Variants in RHOC observed in about 807,000 individuals in gnomAD.
RHOC encodes the protein ras homolog family member C, also known as rho-related GTP-binding protein RhoC.
A neutral mutation model predicts 19.5 loss-of-function variants in RHOC; 13 were observed. The observed-to-expected ratio is 0.67, with a 90% CI of 0.43 to 1.06. RHOC has a LOEUF of 1.06. RHOC is among the 50% of genes least tolerant of loss of function. The pLI, the probability that RHOC is intolerant of heterozygous loss-of-function variation, is 0.00. For missense variants in RHOC, 173 were observed against 256.9 expected (o/e 0.67, Z 2.23); for synonymous variants, 106 against 97.3 (o/e 1.09, Z -0.52).
intron 1 of RHOC, 139 bp downstream of exon 1, chr1:112,706,939 G>T (rs1221382553): frequency 1.3e-5 from 2 of 152,020 alleles, no homozygotes; most frequent in Non-Finnish European, 2.9e-5. Context: ...GACTCCGCTT[G>T]GAGGGAACGG....
chr1:112,705,327 C>T (rs1570834110), intron 1 of RHOC, 159 bp from the exon 2 acceptor site: 5 of 630,836 alleles, frequency 7.9e-6, no homozygotes, highest in Non-Finnish European at 1.4e-5. Context: ...CTCAGTCCCA[C>T]ATCCTGTCAA....
intron 5 of RHOC, 104 bp downstream of exon 5, chr1:112,702,459 C>T (rs1674686100): frequency 3.9e-6 from 5 of 1,266,862 alleles, no homozygotes; most frequent in South Asian, 2.7e-5. Context: ...TTACTGTTTC[C>T]CCTAACACAC....
At position 112,705,083 on chromosome 1, in the gene RHOC, T is replaced by A. The variant is rs1301506199; in HGVS notation, c.-8+17A>T. The A allele has an allele frequency of 8.5e-6, 6 of 702,358 alleles. No homozygotes were observed. Among genetic ancestry groups the A allele is most frequent in the Non-Finnish European group, 1.6e-5 (6 of 384,748 alleles). The allele number at this position is 702,358 out of a possible 1,614,324, so 43.5% of individuals were successfully genotyped here. ...CAGCTTCCCTCACTTCCTCCTTCCCTGGGGAGGGGAACTGACCTCCAGCCG... is the reference window on the plus strand; with the variant it reads ...CAGCTTCCCTCACTTCCTCCTTCCCAGGGGAGGGGAACTGACCTCCAGCCG... On this transcript the variant is annotated intron_variant, in intron 2 of 5. Coordinates refer to ENST00000339083, the MANE Select transcript of RHOC (RefSeq NM_175744.5).
upstream of RHOC, chr1:112,707,232 C>T (rs1674928010): frequency 6.6e-6 from 1 of 150,524 alleles, no homozygotes; most frequent in Non-Finnish European, 1.5e-5. Context: ...CCCGCCCCGG[C>T]CCCGCGCAGG....
rs1279096579 is a variant in RHOC, at chr1:112,703,664, T to C, written c.136A>G (p.Ile46Val). The change falls in exon 3 of 6, where the codon ATT becomes GTT. Residue 46 changes from isoleucine (I) to valine (V), a missense_variant. This residue lies in a region of RHOC where 92 missense variants were observed against 171.1 expected (regional missense o/e 0.54). Coordinates refer to ENST00000339083, the MANE Select transcript of RHOC (RefSeq NM_175744.5). The stretch of plus-strand genomic sequence containing the variant: ...TTCACCTGCTTGCCGTCCACCTCAA[T>C]GTCCGCAATATAGTTCTCAAAGACA... Reference protein sequence around the residue: ...PTVFENYIADIEVDGKQVELA... With the variant: ...PTVFENYIADVEVDGKQVELA... The C allele has an allele frequency of 1.2e-6, 2 of 1,613,372 alleles. No homozygotes were observed. The highest frequency in any genetic ancestry group is 2.2e-5 in the South Asian group (2 of 90,744).
intron 1 of RHOC, chr1:112,705,887 G>A (rs1377857319): frequency 5.8e-6 from 2 of 344,192 alleles, no homozygotes; most frequent in Non-Finnish European, 5.8e-6. Flanking sequence ...AGAGTGGTGG[G>A]AGGCAGAGGA....
rs1182555744 is a variant in RHOC at position 112,703,012 on chromosome 1, G to A, written c.264C>T (p.Ser88=). ...CAATCCCCTCACCCAGGCTGTCAGG[G>A]CTGTCGATGGAGAAGCACATGAGGA... ...DVILMCFSID[S]PDSLENIPEK... The change falls in exon 4 of 6, where the codon AGC becomes AGT. Residue 88 remains serine (S), a synonymous_variant. Coordinates refer to ENST00000339083, the MANE Select transcript of RHOC (RefSeq NM_175744.5). 1 of 1,613,938 alleles carries A rather than the reference G, an allele frequency of 6.2e-7. No homozygotes were observed. Among genetic ancestry groups the A allele is most frequent in the Non-Finnish European group, 8.5e-7 (1 of 1,180,028 alleles).
In RHOC at chr1:112,701,489, T is replaced by C; in HGVS notation, c.*51A>G. The stretch of plus-strand genomic sequence containing the variant: ...GGAGGCTGGGGTTGTAGGGGGATAA[T>C]TTCTGTACCCCTGTGAAGGGAGGGG... On this transcript the variant is annotated 3_prime_UTR_variant, in exon 6 of 6. Coordinates refer to ENST00000339083, the MANE Select transcript of RHOC (RefSeq NM_175744.5). 5.6e-6 allele frequency: 9 copies of C among 1,613,914 alleles called. No homozygotes were observed. The highest frequency in any genetic ancestry group is 1.1e-5 in the South Asian group (1 of 91,082).
intron 4 of RHOC, 140 bp downstream of exon 4, chr1:112,702,859 A>G: frequency 7.4e-7 from 1 of 1,353,412 alleles, no homozygotes; most frequent in Non-Finnish European, 1.0e-6. Flanking sequence ...GCCAGTTACC[A>G]CAGTAAAGGA....
chr1:112,703,917 G>A (rs1332556624), intron 2 of RHOC, 111 bp from the exon 3 acceptor site: 1 of 989,596 alleles, frequency 1.0e-6, no homozygotes, highest in Non-Finnish European at 1.5e-6. Context: ...AAGGGACAGG[G>A]GGCTTGCTCA....
intron 1 of RHOC, chr1:112,705,472 A>C (rs1674807457): frequency 3.5e-6 from 2 of 569,978 alleles, no homozygotes; most frequent in Non-Finnish European, 6.6e-6. Flanking sequence ...GCCTCCAGAC[A>C]CATTCACAAA....
intron 1 of RHOC, among the ~76,000 whole-genome samples, chr1:112,706,463 ACCACACACACAC>A (rs1674869297): frequency 2.4e-4 from 2 of 8,186 alleles, no homozygotes; most frequent in African/African-American, 6.3e-4. Flanking sequence ...ACACACACAC[ACCACACACACAC>A]ACACACACAC....
At chr1:112,707,049 C>T (rs1161214467) in intron 1 of RHOC, 29 bp downstream of exon 1, 8 of 152,228 alleles carry the variant, frequency 5.3e-5, no homozygotes, top group Non-Finnish European at 1.0e-4. Flanking sequence ...CCAAGACGCC[C>T]CACCGCCCGC....
rs1674890165 is a variant in RHOC, at chr1:112,706,499, CACACACACACACACA to C, written c.-77+564_-77+578del. On this transcript the variant is annotated intron_variant, in intron 1 of 5. Coordinates refer to ENST00000339083, the MANE Select transcript of RHOC (RefSeq NM_175744.5). ...ACACACACACACACACACACACACACACACACACACACACACACACACACACACACACACACACAG... is the reference window on the plus strand; with the variant it reads ...ACACACACACACACACACACACACACCACACACACACACACACACACACAG... 8.3e-5 allele frequency among the ~76,000 whole-genome samples: 5 copies of C among 59,910 alleles called. No individual in the cohort carries two copies. In the Admixed American group the frequency reaches 1.0e-3, roughly 12 times the overall value. The allele number at this position is 59,910 out of a possible 152,430, so 39.3% of individuals were successfully genotyped here.
At position 112,706,517 on chromosome 1, in the gene RHOC, C is replaced by CACACACACAAACACACACAA. The variant is rs1553189945; in HGVS notation, c.-77+560_-77+561insTTGTGTGTGTTTGTGTGTGT. Among the ~76,000 whole-genome samples, 7 of 71,392 alleles carry CACACACACAAACACACACAA rather than the reference C, an allele frequency of 9.8e-5. No individual in the cohort carries two copies. The South Asian group carries it at 2.6e-3, about 27-fold the overall frequency. The allele number at this position is 71,392 out of a possible 152,430, so 46.8% of individuals were successfully genotyped here. A position where few individuals can be genotyped will look rare whatever the true frequency, so the allele number is the denominator to read the frequency against. On this transcript the variant is annotated intron_variant, in intron 1 of 5. Transcript: ENST00000339083. ...ACACACACACACACACACACACACA[C>CACACACACAAACACACACAA]ACACACACACACACACACACAGAGT...
At chr1:112,706,430 TACACACACACACACACACACAC>T (rs149206424) in intron 1 of RHOC, among the ~76,000 whole-genome samples, 36 of 49,686 alleles carry the variant, frequency 7.2e-4, no homozygotes, top group African/African-American at 2.8e-3. Context: ...TCTCTCTCTC[TACACACACACACACACACACAC>T]ACACACACAC....
At position 112,701,229 on chromosome 1, in the gene RHOC, C is replaced by T; in HGVS notation, c.*311G>A. 1 of 658,658 alleles carries T rather than the reference C, an allele frequency of 1.5e-6. No homozygotes were observed. The highest frequency in any genetic ancestry group is 2.5e-6 in the Non-Finnish European group (1 of 394,028). The allele number at this position is 658,658 out of a possible 1,614,324, so 40.8% of individuals were successfully genotyped here. ...TCCAGGGGCCTGGGACTCTGGGTCC[C>T]CTACTGCAGACACTTTCCTGTGAGC... On this transcript the variant is annotated 3_prime_UTR_variant, in exon 6 of 6. Coordinates refer to ENST00000339083, the MANE Select transcript of RHOC (RefSeq NM_175744.5).
At chr1:112,702,189 C>A (rs969372598) in intron 5 of RHOC, among the ~76,000 whole-genome samples, 1 of 152,156 alleles carries the variant, frequency 6.6e-6, no homozygotes, top group Non-Finnish European at 1.5e-5. Flanking sequence ...CAGCCACTTA[C>A]ACAATGCCTG....
intron 2 of RHOC, 196 bp downstream of exon 2, chr1:112,704,904 C>A: frequency 1.7e-6 from 1 of 605,642 alleles, no homozygotes. Context: ...TCCACCCACT[C>A]TGGAACAGCC....
Sources: allele counts gnomAD v4.1 joint callset (sites outside exome capture counted in the v4.1 genomes callset), GRCh38; gene constraint gnomAD v4.1.1; regional missense constraint gnomAD v4.1.1; transcripts MANE v1.5; gene names NCBI Gene and HGNC (gene_info 2026-07-23, HGNC 2026-07-21).